Variants in NAA11 observed in about 807,000 individuals in gnomAD.
The protein encoded by NAA11 is N-alpha-acetyltransferase 11.
NAA11 carries 15 observed loss-of-function variants against 16.1 expected under a neutral mutation model. The ratio of observed to expected loss-of-function variants is 0.93; its 90% CI spans 0.62 to 1.44. The LOEUF (loss-of-function observed/expected upper bound fraction) is 1.44, where lower values mean the gene tolerates loss of function less well. Ranked by LOEUF, NAA11 falls within the 40% of genes most tolerant of loss-of-function variation. The pLI, the probability that NAA11 is intolerant of heterozygous loss-of-function variation, is 0.00. For missense variants in NAA11, 298 were observed against 291.3 expected (o/e 1.02, Z -0.17); for synonymous variants, 122 against 112.4 (o/e 1.09, Z -0.54).
chr4:79,203,528 G>A, the NAA11 span, among the ~76,000 whole-genome samples: 2 of 151,606 alleles, frequency 1.3e-5, no homozygotes, highest in African/African-American at 2.4e-5. Flanking sequence ...ATTATAAGAT[G>A]CACAGTGTTT....
chr4:79,192,535 A>G, the NAA11 span, among the ~76,000 whole-genome samples: 7 of 151,726 alleles, frequency 4.6e-5, no homozygotes, highest in Non-Finnish European at 1.0e-4. Context: ...AGCTTCATCC[A>G]TGTCCCTACA....
chr4:79,316,548 A>T (rs995586488), downstream of NAA11: 3 of 152,206 alleles, frequency 2.0e-5, no homozygotes, highest in African/African-American at 7.2e-5. Context: ...ACTTAAATCC[A>T]TACACACCAG....
chr4:79,289,281 C>T (rs182493470), intron 2 of NAA11, among the ~76,000 whole-genome samples: 216 of 152,294 alleles, frequency 1.4e-3, no homozygotes, highest in Non-Finnish European at 2.4e-3. Context: ...ACTCTGATAT[C>T]ATGTCATAAG....
the NAA11 span, among the ~76,000 whole-genome samples, chr4:79,191,337 GTTT>G: frequency 6.9e-6 from 1 of 145,446 alleles, no homozygotes. Context: ...AGCATCTGCT[GTTT>G]TTTTTTTTTT....
At chr4:79,196,790 T>C in the NAA11 span, among the ~76,000 whole-genome samples, 1 of 151,744 alleles carries the variant, frequency 6.6e-6, no homozygotes, top group East Asian at 1.9e-4. Context: ...CTGGGTTATC[T>C]AGGTGGGTCC....
At chr4:79,170,322 C>T in the NAA11 span, among the ~76,000 whole-genome samples, 1 of 152,168 alleles carries the variant, frequency 6.6e-6, no homozygotes, top group Non-Finnish European at 1.5e-5. Context: ...AGTCTTGCTT[C>T]CACCTGGCTC....
intron 1 of NAA11, among the ~76,000 whole-genome samples, chr4:79,319,181 G>A (rs909718470): frequency 1.3e-5 from 2 of 152,136 alleles, no homozygotes; most frequent in East Asian, 1.9e-4. Context: ...TCCCGCCTTG[G>A]CCTCCTAAAG....
At chr4:79,285,008 C>A (rs1387506863) in intron 2 of NAA11, among the ~76,000 whole-genome samples, 1 of 151,080 alleles carries the variant, frequency 6.6e-6, no homozygotes, top group Non-Finnish European at 1.5e-5. Context: ...TTGGTAGATT[C>A]TTTAGTGGGG....
chr4:79,177,404 C>CA, the NAA11 span, among the ~76,000 whole-genome samples: 14,691 of 147,458 alleles, frequency 0.1, 955 homozygotes, highest in African/African-American at 0.19. Flanking sequence ...TTTGACTTAT[C>CA]AAAAAAAAAA....
At chr4:79,189,453 G>A in the NAA11 span, among the ~76,000 whole-genome samples, 1 of 152,282 alleles carries the variant, frequency 6.6e-6, no homozygotes, top group South Asian at 2.1e-4. Flanking sequence ...TGGCTGGAAC[G>A]TAAGGAGAAA....
chr4:79,261,528 G>T (rs1453082013), intron 2 of NAA11, among the ~76,000 whole-genome samples: 1 of 152,144 alleles, frequency 6.6e-6, no homozygotes, highest in African/African-American at 2.4e-5. Context: ...GGCAGGGGTA[G>T]GATCGGAACA....
intron 2 of NAA11, among the ~76,000 whole-genome samples, chr4:79,249,350 T>C (rs1326567015): frequency 6.6e-6 from 1 of 152,138 alleles, no homozygotes; most frequent in Non-Finnish European, 1.5e-5. Context: ...TGAAACCTAA[T>C]CCAAGGAATC....
intron 1 of NAA11, among the ~76,000 whole-genome samples, chr4:79,310,157 T>G (rs1723726922): frequency 6.6e-6 from 1 of 152,158 alleles, no homozygotes; most frequent in African/African-American, 2.4e-5. Flanking sequence ...AGAGACAAAT[T>G]AGAGAATGGA....
the NAA11 span, among the ~76,000 whole-genome samples, chr4:79,200,223 A>G: frequency 6.6e-6 from 1 of 151,788 alleles, no homozygotes; most frequent in South Asian, 2.1e-4. Flanking sequence ...TAACTCCCTT[A>G]TAGGATTGTT....
the NAA11 span, among the ~76,000 whole-genome samples, chr4:79,200,236 G>A: frequency 3.2e-4 from 49 of 151,876 alleles, no homozygotes; most frequent in East Asian, 8.1e-3. Context: ...GGATTGTTAT[G>A]AAGATTAAAT....
intron 2 of NAA11, among the ~76,000 whole-genome samples, chr4:79,252,038 A>T (rs1246860197): frequency 1.3e-5 from 2 of 152,238 alleles, no homozygotes; most frequent in Non-Finnish European, 2.9e-5. Flanking sequence ...ATTTGCAAAA[A>T]CTTAGATGGA....
At chr4:79,220,883 T>C (rs954139580), downstream of NAA11, among the ~76,000 whole-genome samples, 1 of 152,112 alleles carries the variant, frequency 6.6e-6, no homozygotes, top group Non-Finnish European at 1.5e-5. Context: ...ATATGAAATT[T>C]AAAGTAGTTT....
the NAA11 span, among the ~76,000 whole-genome samples, chr4:79,171,394 C>T: frequency 7.2e-5 from 11 of 152,142 alleles, no homozygotes; most frequent in Non-Finnish European, 1.3e-4. Context: ...TGAAGGTCTT[C>T]ACCAGATGTG....
the NAA11 span, among the ~76,000 whole-genome samples, chr4:79,195,394 AAT>A: frequency 5.3e-3 from 811 of 152,218 alleles, 6 homozygotes; most frequent in African/African-American, 0.018. Flanking sequence ...ATAGTTTTAA[AAT>A]ATGTTTTTAT....
Sources: allele counts gnomAD v4.1 joint callset (sites outside exome capture counted in the v4.1 genomes callset), GRCh38; gene constraint gnomAD v4.1.1; transcripts MANE v1.5; gene names NCBI Gene and HGNC (gene_info 2026-07-23, HGNC 2026-07-21).